The following GPC3 variants were observed in gnomAD, a reference collection of about 807,000 sequenced individuals.
GPC3 encodes the protein glypican-3.
In GPC3, 3 loss-of-function variants were observed where a neutral mutation model predicts 34.4. That is an observed-to-expected ratio of 0.09 (90% CI 0.04 to 0.23). The LOEUF is 0.23. Among genes scored for constraint, GPC3 ranks in the 10% least tolerant of loss-of-function variants. The pLI is 1.00. For missense variants in GPC3, 351 were observed against 445.6 expected (o/e 0.79, Z 1.91); for synonymous variants, 177 against 174.0 (o/e 1.02, Z -0.13).
At chrX:133,949,345 T>C (rs901071217) in intron 2 of GPC3, among the ~76,000 whole-genome samples, 2 of 112,005 alleles carry the variant, frequency 1.8e-5, no homozygotes, top group Middle Eastern at 4.2e-3. Flanking sequence ...TGTAGGAGTA[T>C]AGTCCTCTAT....
intron 2 of GPC3, among the ~76,000 whole-genome samples, chrX:133,849,436 C>T (rs1378177668): frequency 9.0e-6 from 1 of 111,355 alleles, no homozygotes; most frequent in Non-Finnish European, 1.9e-5. Context: ...GGAGGTACAC[C>T]CATACTGACC....
chrX:133,830,096 G>A (rs1413356429), intron 2 of GPC3, among the ~76,000 whole-genome samples: 1 of 111,615 alleles, frequency 9.0e-6, no homozygotes, highest in African/African-American at 3.3e-5. Context: ...AATAAAATTG[G>A]GGGAATCCTA....
rs1202906028 is a variant in GPC3, at chrX:133,767,153, G to A, written c.338-12977C>T. On this transcript the variant is annotated intron_variant, in intron 2 of 7. Transcript: ENST00000370818. Reference sequence around the variant, plus strand: ...ATTTTTCTTTTTTCTTTTCCTTTTGGTTTGACTCTAAGTAAACTTAATACC... The same window carrying A: ...ATTTTTCTTTTTTCTTTTCCTTTTGATTTGACTCTAAGTAAACTTAATACC... Among the ~76,000 whole-genome samples the A allele has an allele frequency of 3.6e-5, 4 of 111,150 alleles. No individual in the cohort carries two copies. The East Asian group carries it at 8.5e-4, about 24-fold the overall frequency.
At chrX:133,943,793 GC>G (rs1223974255) in intron 2 of GPC3, among the ~76,000 whole-genome samples, 5 of 111,734 alleles carry the variant, frequency 4.5e-5, no homozygotes, top group African/African-American at 1.6e-4. Flanking sequence ...TCTGGGAAGA[GC>G]CTAGGTCATG....
intron 3 of GPC3, among the ~76,000 whole-genome samples, chrX:133,703,628 T>C (rs2071186785): frequency 9.0e-6 from 1 of 110,792 alleles, no homozygotes. Context: ...GCCCAGCTAA[T>C]TTTTTGTATT....
At chrX:133,914,437 T>C (rs1380535305) in intron 2 of GPC3, among the ~76,000 whole-genome samples, 1 of 111,299 alleles carries the variant, frequency 9.0e-6, no homozygotes. Flanking sequence ...ACCTATACCC[T>C]GGCTCTCAAT....
chrX:133,735,343 G>C (rs2071500615), intron 3 of GPC3, among the ~76,000 whole-genome samples: 1 of 111,656 alleles, frequency 9.0e-6, no homozygotes, highest in Non-Finnish European at 1.9e-5. Context: ...ATAGTGCCAA[G>C]ACAATTCATG....
In GPC3 at chrX:133,985,360, C is replaced by T. The variant is rs2124655746; in HGVS notation, c.90G>A (p.Pro30=). The change falls in exon 1 of 8, where the codon CCG becomes CCA. Residue 30 remains proline, a synonymous_variant. Transcript: ENST00000370818. ...FPGQAQPPPP[P]PDATCHQVRS... ...GGACTTGGTGACAGGTGGCGTCCGGCGGCGGCGGCGGGGGCTGCGCCTGTC... is the reference window on the plus strand; with the variant it reads ...GGACTTGGTGACAGGTGGCGTCCGGTGGCGGCGGCGGGGGCTGCGCCTGTC... 8.3e-7 allele frequency: 1 copy of T among 1,202,022 alleles called. No homozygotes were observed. The highest frequency in any genetic ancestry group is 1.8e-5 in the South Asian group (1 of 55,483).
At chrX:133,691,633 A>T (rs2071064295) in intron 5 of GPC3, among the ~76,000 whole-genome samples, 1 of 111,703 alleles carries the variant, frequency 9.0e-6, no homozygotes, top group South Asian at 3.8e-4. Flanking sequence ...CTCTATCTTC[A>T]TCTGTATAAT....
intron 2 of GPC3, among the ~76,000 whole-genome samples, chrX:133,850,194 G>GGTTTTTTTT (rs2075866454): frequency 2.9e-5 from 2 of 67,984 alleles, no homozygotes; most frequent in African/African-American, 1.1e-4. Context: ...TTTGGGTTTT[G>GGTTTTTTTT]TTTTTTTTTT....
intron 2 of GPC3, among the ~76,000 whole-genome samples, chrX:133,837,450 T>C (rs5975428): frequency 0.079 from 8,795 of 111,820 alleles, 575 homozygotes; most frequent in African/African-American, 0.21. Context: ...AAGGAACCTA[T>C]AGCCTAAAGG....
chrX:133,740,091 A>G (rs1247510879), intron 3 of GPC3, among the ~76,000 whole-genome samples: 1 of 112,032 alleles, frequency 8.9e-6, no homozygotes, highest in African/African-American at 3.2e-5. Flanking sequence ...GTTTGTTGTA[A>G]TTTATTATTC....
At chrX:133,870,536 C>T (rs971194300) in intron 2 of GPC3, among the ~76,000 whole-genome samples, 2 of 111,761 alleles carry the variant, frequency 1.8e-5, no homozygotes, top group Non-Finnish European at 3.8e-5. Context: ...TTCCTACTTT[C>T]CATTTGTCCC....
intron 1 of GPC3, among the ~76,000 whole-genome samples, chrX:133,960,010 A>G (rs892810002): frequency 1.8e-5 from 2 of 111,532 alleles, no homozygotes; most frequent in African/African-American, 6.5e-5. Context: ...TATAGACAAC[A>G]TTTGCTGGAT....
chrX:133,966,672 A>AAACAC (rs2124642949), intron 1 of GPC3, among the ~76,000 whole-genome samples: 2 of 112,251 alleles, frequency 1.8e-5, no homozygotes, highest in South Asian at 7.5e-4. Flanking sequence ...AAAGAAAATC[A>AAACAC]AACACTCACT....
chrX:133,964,445 C>T (rs145070127), intron 1 of GPC3, among the ~76,000 whole-genome samples: 1,919 of 111,238 alleles, frequency 0.017, 26 homozygotes, highest in South Asian at 0.028. Context: ...GGCAAAAATG[C>T]TTAGAAAAAA....
intron 7 of GPC3, among the ~76,000 whole-genome samples, chrX:133,542,494 T>C (rs1051773323): frequency 9.0e-6 from 1 of 111,668 alleles, no homozygotes; most frequent in African/African-American, 3.3e-5. Flanking sequence ...CTATGAGGGC[T>C]TCACCCATAC....
At chrX:133,657,936 G>GAGAGAGAGA (rs59330472) in intron 6 of GPC3, among the ~76,000 whole-genome samples, 13 of 105,989 alleles carry the variant, frequency 1.2e-4, no homozygotes, top group African/African-American at 4.6e-4. Context: ...GAGAGAGAGA[G>GAGAGAGAGA]GAGAAGTATT....
intron 2 of GPC3, among the ~76,000 whole-genome samples, chrX:133,847,939 G>T (rs188004773): frequency 1.8e-5 from 2 of 112,190 alleles, no homozygotes; most frequent in Admixed American, 1.9e-4. Context: ...GCAGGGATGT[G>T]TGTCTGATTG....
Sources: allele counts gnomAD v4.1 joint callset (sites outside exome capture counted in the v4.1 genomes callset), GRCh38; gene constraint gnomAD v4.1.1; transcripts MANE v1.5; gene names NCBI Gene and HGNC (gene_info 2026-07-23, HGNC 2026-07-21).